Variants in LONRF2 observed in about 807,000 individuals in gnomAD.
LONRF2 encodes the protein LON peptidase N-terminal domain and ring finger 2, also known as LON peptidase N-terminal domain and RING finger protein 2.
A neutral mutation model predicts 66.6 loss-of-function variants in LONRF2; 35 were observed. The observed-to-expected ratio is 0.53, with a 90% confidence interval of 0.40 to 0.70. The LOEUF (loss-of-function observed/expected upper bound fraction) is 0.70. Among genes scored for constraint, LONRF2 ranks in the 30% least tolerant of loss-of-function variants. LONRF2 has a pLI of 0.00. For missense variants in LONRF2, 902 were observed against 1,002.1 expected, an observed-to-expected ratio of 0.90 and a Z score of 1.35; for synonymous variants, 417 against 418.1, an observed-to-expected ratio of 1.00 and a Z score of 0.03.
At chr2:100,312,964 A>G (rs755450315) in intron 1 of LONRF2, among the ~76,000 whole-genome samples, 15 of 152,234 alleles carry the variant, frequency 9.9e-5, no homozygotes, top group Non-Finnish European at 1.9e-4. Flanking sequence ...TTGATGCAAC[A>G]TTTCAGTAGG....
intron 1 of LONRF2, among the ~76,000 whole-genome samples, chr2:100,312,477 G>C (rs1675428571): frequency 6.6e-6 from 1 of 151,964 alleles, no homozygotes; most frequent in Non-Finnish European, 1.5e-5. Context: ...CTATCTTTGT[G>C]TTAGCTTAAT....
intron 7 of LONRF2, among the ~76,000 whole-genome samples, chr2:100,298,075 T>C (rs924804544): frequency 6.6e-6 from 1 of 152,202 alleles, no homozygotes; most frequent in African/African-American, 2.4e-5. Flanking sequence ...TCTCATTTAA[T>C]GAATGCAAAA....
At chr2:100,292,116 ACTCT>A (rs773161409) in intron 9 of LONRF2, among the ~76,000 whole-genome samples, 5 of 151,904 alleles carry the variant, frequency 3.3e-5, no homozygotes, top group Admixed American at 1.3e-4. Flanking sequence ...ACTTAATAAA[ACTCT>A]CTCTTCCTGG....
intron 2 of LONRF2, among the ~76,000 whole-genome samples, chr2:100,304,794 T>TTTTC (rs1445880158): frequency 1.4e-5 from 2 of 147,098 alleles, no homozygotes; most frequent in South Asian, 2.2e-4. Flanking sequence ...TGGCTAATTT[T>TTTTC]TTTTTTTTTT....
At chr2:100,293,148 G>C (rs977262183) in intron 9 of LONRF2, among the ~76,000 whole-genome samples, 2 of 152,124 alleles carry the variant, frequency 1.3e-5, no homozygotes, top group Admixed American at 6.5e-5. Context: ...AAGCTTCCTG[G>C]AGATGCTGAC....
Position 100,284,450 on chromosome 2 carries a change from C to T in LONRF2, c.2113G>A (p.Val705Met), listed in dbSNP as rs775457517. 1.9e-5 allele frequency: 31 copies of T among 1,607,898 alleles called. No homozygotes were observed. The highest frequency in any genetic ancestry group is 4.5e-5 in the East Asian group (2 of 44,738). The change falls in exon 12 of 12, where the codon GTG (valine) becomes ATG (methionine). Residue 705 changes from valine to methionine, a missense_variant. Around this residue, in one of 2 missense-constraint regions of LONRF2, gnomAD observed 317 missense variants for 432.2 expected, o/e 0.73. Transcript: ENST00000393437. ...GPAWSWWILA[V>M]LPLERKAQLA... ...TGAGCCTTGCGCTCCAGGGGCAGCA[C>T]GGCCAGGATCCACCAGGACCAGGCA...
Position 100,276,423 on chromosome 2 carries a change from C to T in LONRF2, c.*7875G>A, listed in dbSNP as rs1674602095. 1 of 151,992 alleles carries T rather than the reference C, an allele frequency of 6.6e-6. No individual in the cohort carries two copies. Among genetic ancestry groups the T allele is most frequent in the East Asian group, 1.9e-4 (1 of 5,200 alleles). The allele number at this position is 151,992 out of a possible 1,614,324, so 9.4% of individuals were successfully genotyped here. ...TCATAGTACCCAACGCCCTAATATC[C>T]CATATTGAACACAGACACTCTAATA... is the stretch of plus-strand genomic sequence containing the variant. On this transcript the variant is annotated 3_prime_UTR_variant, in exon 12 of 12. Transcript: ENST00000393437.
intron 1 of LONRF2, among the ~76,000 whole-genome samples, chr2:100,314,809 C>T (rs1412220441): frequency 1.3e-5 from 2 of 152,146 alleles, no homozygotes; most frequent in Non-Finnish European, 2.9e-5. Context: ...TTCAGAAAAT[C>T]AAGAGACTGT....
At chr2:100,297,416 C>T (rs1280320254) in intron 7 of LONRF2, among the ~76,000 whole-genome samples, 2 of 152,164 alleles carry the variant, frequency 1.3e-5, no homozygotes, top group Non-Finnish European at 2.9e-5. Flanking sequence ...GGATTACAGG[C>T]GTGAGCCACT....
intron 7 of LONRF2, among the ~76,000 whole-genome samples, chr2:100,298,493 C>T (rs991456375): frequency 6.6e-6 from 1 of 152,220 alleles, no homozygotes; most frequent in Non-Finnish European, 1.5e-5. Flanking sequence ...ACGAAAAACT[C>T]TCAAGATGAA....
At chr2:100,300,000 G>C in intron 4 of LONRF2, 82 bp from the exon 5 acceptor site, 4 of 426,296 alleles carry the variant, frequency 9.4e-6, no homozygotes, top group Non-Finnish European at 1.1e-5. Context: ...GCCTGTACTA[G>C]AAATCTTTGG....
chr2:100,284,750 C>T (rs1485790491), intron 11 of LONRF2, among the ~76,000 whole-genome samples: 2 of 152,356 alleles, frequency 1.3e-5, no homozygotes, highest in East Asian at 3.9e-4. Flanking sequence ...GAATTAGTTG[C>T]TTCTGTTCTC....
Position 100,275,454 on chromosome 2 carries a change from T to C in LONRF2, c.*8844A>G, listed in dbSNP as rs1055100669. The C allele has an allele frequency of 2.0e-5, 3 of 152,246 alleles. No individual in the cohort carries two copies. The highest frequency in any genetic ancestry group is 1.3e-4 in the Admixed American group (2 of 15,284). The allele number at this position is 152,246 out of a possible 1,614,324, so 9.4% of individuals were successfully genotyped here. The stretch of plus-strand genomic sequence containing the variant: ...TCCAGTGAGGAATTAATCGCACTCC[T>C]GGGCAAAGGATCTGGGTGTTGGTCT... On this transcript the variant is annotated 3_prime_UTR_variant, in exon 12 of 12. Transcript: ENST00000393437.
intron 7 of LONRF2, among the ~76,000 whole-genome samples, chr2:100,296,796 C>A (rs1301121254): frequency 6.6e-6 from 1 of 152,086 alleles, no homozygotes; most frequent in Admixed American, 6.6e-5. Context: ...AAGAGTAATA[C>A]AATAAAACAT....
At chr2:100,284,736 C>G (rs1674810766) in intron 11 of LONRF2, among the ~76,000 whole-genome samples, 1 of 152,214 alleles carries the variant, frequency 6.6e-6, no homozygotes, top group African/African-American at 2.4e-5. Flanking sequence ...TGGGGAGATT[C>G]TATGAATTAG....
Position 100,309,114 on chromosome 2 carries a change from AAG to A in LONRF2, c.789_790del (p.Leu264AspfsTer2). The stretch of plus-strand genomic sequence containing the variant: ...GCTAACAAATACAAATACCTTAATC[AAG>A]AGAGGTTCATTCTGACAAGCTGCAC... On this transcript the variant is annotated frameshift_variant, in exon 2 of 12. Coordinates refer to ENST00000393437, the MANE Select transcript of LONRF2 (RefSeq NM_198461.4). LOFTEE classifies it high-confidence loss of function. The A allele has an allele frequency of 6.3e-7, 1 of 1,576,972 alleles. No homozygotes were observed. The highest frequency in any genetic ancestry group is 8.6e-7 in the Non-Finnish European group (1 of 1,163,326).
rs539713591 is a variant in LONRF2, at chr2:100,316,248, G to A, written c.679+5167C>T. On this transcript the variant is annotated intron_variant, in intron 1 of 11. Transcript: ENST00000393437. ...GCAGGAGAATGATGTGAACCTGGGAGGCAGAGCTTGCAGCGTGCTGAGATC... is the reference window on the plus strand; with the variant it reads ...GCAGGAGAATGATGTGAACCTGGGAAGCAGAGCTTGCAGCGTGCTGAGATC... 2.7e-5 allele frequency among the ~76,000 whole-genome samples: 4 copies of A among 147,088 alleles called. No individual in the cohort carries two copies. The East Asian group carries it at 7.9e-4, about 29-fold the overall frequency.
In LONRF2 at chr2:100,279,327, C is replaced by G. The variant is rs1025814857; in HGVS notation, c.*4971G>C. On this transcript the variant is annotated 3_prime_UTR_variant, in exon 12 of 12. Transcript: ENST00000393437. ...TGCACCAAGAAATGTTAGAGACCCC[C>G]CCCCCGCAAACTGCAGAACTACATT... 6.6e-6 allele frequency: 1 copy of G among 151,394 alleles called. No individual in the cohort carries two copies. The highest frequency in any genetic ancestry group is 1.5e-5 in the Non-Finnish European group (1 of 67,834). 9.4% of individuals were successfully genotyped at this position (151,394 alleles called of 1,614,324 possible).
chr2:100,307,989 T>G (rs1274163536), intron 2 of LONRF2, among the ~76,000 whole-genome samples: 1 of 152,208 alleles, frequency 6.6e-6, no homozygotes, highest in Non-Finnish European at 1.5e-5. Flanking sequence ...TTTCTGAGCT[T>G]AGTCCAACAA....
Sources: allele counts gnomAD v4.1 joint callset (sites outside exome capture counted in the v4.1 genomes callset), GRCh38; gene constraint gnomAD v4.1.1; regional missense constraint gnomAD v4.1.1; transcripts MANE v1.5; gene names NCBI Gene and HGNC (gene_info 2026-07-23, HGNC 2026-07-21).